Variants in ARMH3 observed in about 807,000 individuals in gnomAD.
ARMH3 encodes armadillo like helical domain containing 3, also known as armadillo-like helical domain-containing protein 3.
A neutral mutation model predicts 99.1 loss-of-function variants in ARMH3; 60 were observed. The ratio of observed to expected loss-of-function variants is 0.61; its 90% CI spans 0.49 to 0.75. ARMH3 has a LOEUF of 0.75. Among genes scored for constraint, ARMH3 ranks in the 30% least tolerant of loss-of-function variants. ARMH3 has a pLI of 0.00. For missense variants in ARMH3, 679 were observed against 843.1 expected, an observed-to-expected ratio of 0.81 and a Z score of 2.41; for synonymous variants, 285 against 292.8, an observed-to-expected ratio of 0.97 and a Z score of 0.27.
chr10:101,877,645 G>A (rs1013516472), intron 24 of ARMH3, among the ~76,000 whole-genome samples: 3 of 149,604 alleles, frequency 2.0e-5, no homozygotes, highest in Admixed American at 1.3e-4. Context: ...GACAGAGTGA[G>A]ACTTTGTCTT....
chr10:101,868,234 A>G (rs996021467), intron 24 of ARMH3, among the ~76,000 whole-genome samples: 2 of 152,216 alleles, frequency 1.3e-5, no homozygotes, highest in East Asian at 3.8e-4. Flanking sequence ...GCCAGACAAT[A>G]GGAAGAAGAC....
intron 19 of ARMH3, among the ~76,000 whole-genome samples, chr10:101,983,377 G>A (rs762589391): frequency 1.3e-5 from 2 of 152,152 alleles, no homozygotes; most frequent in South Asian, 2.1e-4. Flanking sequence ...GACCTCCACG[G>A]CTCAAACCAT....
chr10:102,024,582 G>C (rs562742852), intron 6 of ARMH3, among the ~76,000 whole-genome samples: 1 of 151,862 alleles, frequency 6.6e-6, no homozygotes, highest in Non-Finnish European at 1.5e-5. Context: ...GAGTTCAAGC[G>C]GGTGGATCAC....
chr10:102,031,811 C>T (rs148662862), intron 4 of ARMH3, among the ~76,000 whole-genome samples: 1 of 152,304 alleles, frequency 6.6e-6, no homozygotes, highest in Non-Finnish European at 1.5e-5. Context: ...ACCATGTCAG[C>T]TCACTGCAAG....
Position 101,893,585 on chromosome 10 carries a change from G to A in ARMH3, c.1782-4095C>T, listed in dbSNP as rs1253821731. ...GTTGGAACAGTGAAATAATCCCTGG[G>A]AATGGAATTGCTGGGGATCTAATTC... On this transcript the variant is annotated intron_variant, in intron 23 of 25. Transcript: ENST00000370033. Among the ~76,000 whole-genome samples, 4 of 152,200 alleles carry A rather than the reference G, an allele frequency of 2.6e-5. No individual in the cohort carries two copies. The South Asian group carries it at 8.3e-4, about 32-fold the overall frequency.
chr10:102,048,920 A>G (rs1325094546), intron 1 of ARMH3, among the ~76,000 whole-genome samples: 2 of 152,174 alleles, frequency 1.3e-5, no homozygotes, highest in African/African-American at 2.4e-5. Context: ...CATTAGCACT[A>G]TAAGAACTTA....
At chr10:102,042,429 C>A (rs957527888) in intron 1 of ARMH3, among the ~76,000 whole-genome samples, 4 of 152,210 alleles carry the variant, frequency 2.6e-5, no homozygotes, top group African/African-American at 9.7e-5. Flanking sequence ...ATTTCAGAAT[C>A]AATACTTTCT....
At chr10:102,042,331 C>T (rs912049136) in intron 1 of ARMH3, among the ~76,000 whole-genome samples, 2 of 152,178 alleles carry the variant, frequency 1.3e-5, no homozygotes, top group African/African-American at 4.8e-5. Context: ...GTGATAAGTA[C>T]ATGTTTACAA....
chr10:102,022,684 C>A (rs2066912995), intron 8 of ARMH3, among the ~76,000 whole-genome samples: 1 of 147,914 alleles, frequency 6.8e-6, no homozygotes, highest in African/African-American at 2.4e-5. Context: ...GGGTTCATGC[C>A]ATTCTCCTGC....
intron 20 of ARMH3, among the ~76,000 whole-genome samples, chr10:101,969,563 A>G (rs2135890519): frequency 6.6e-6 from 1 of 152,376 alleles, no homozygotes; most frequent in African/African-American, 2.4e-5. Context: ...GGCCTCTGCC[A>G]GTAATAGGAG....
chr10:101,973,773 G>A (rs556566742), intron 20 of ARMH3, among the ~76,000 whole-genome samples: 4 of 152,214 alleles, frequency 2.6e-5, no homozygotes, highest in East Asian at 1.9e-4. Context: ...AGATGCAGGC[G>A]GAAACAACTA....
intron 24 of ARMH3, among the ~76,000 whole-genome samples, chr10:101,857,958 C>G (rs1057312839): frequency 4.6e-5 from 7 of 152,198 alleles, no homozygotes; most frequent in Admixed American, 4.6e-4. Context: ...AAAGGTCTGT[C>G]CCTAACCTTG....
intron 24 of ARMH3, among the ~76,000 whole-genome samples, chr10:101,865,326 A>C (rs2135337029): frequency 6.6e-6 from 1 of 152,322 alleles, no homozygotes; most frequent in East Asian, 1.9e-4. Flanking sequence ...ACTACCATAA[A>C]ATATACACAA....
intron 23 of ARMH3, among the ~76,000 whole-genome samples, chr10:101,920,534 C>T (rs1035586580): frequency 1.3e-5 from 2 of 151,958 alleles, no homozygotes; most frequent in Non-Finnish European, 2.9e-5. Flanking sequence ...GAGAGAAAAA[C>T]GAGACAGAAA....
intron 23 of ARMH3, among the ~76,000 whole-genome samples, chr10:101,913,614 C>T (rs1842959650): frequency 6.6e-6 from 1 of 152,144 alleles, no homozygotes; most frequent in Non-Finnish European, 1.5e-5. Context: ...GATCTTCCTG[C>T]CTCGGCCTCC....
At chr10:101,894,230 G>A (rs1203873860) in intron 23 of ARMH3, among the ~76,000 whole-genome samples, 1 of 152,120 alleles carries the variant, frequency 6.6e-6, no homozygotes, top group African/African-American at 2.4e-5. Context: ...CCAGGTGGAG[G>A]GTATTCGCCC....
chr10:101,856,505 G>A (rs2066741455), intron 24 of ARMH3, among the ~76,000 whole-genome samples: 1 of 151,358 alleles, frequency 6.6e-6, no homozygotes, highest in Non-Finnish European at 1.5e-5. Context: ...CAAAGAGACT[G>A]TCATCATTCT....
At chr10:102,025,286 A>G (rs745869481) in intron 5 of ARMH3, 38 bp from the exon 6 acceptor site, 14 of 1,531,316 alleles carry the variant, frequency 9.1e-6, no homozygotes, top group South Asian at 3.4e-5. Flanking sequence ...ACCATACCAG[A>G]TAACACCCCA....
intron 21 of ARMH3, 85 bp downstream of exon 21, chr10:101,957,565 C>T: frequency 6.9e-7 from 1 of 1,455,504 alleles, no homozygotes; most frequent in South Asian, 1.3e-5. Flanking sequence ...GCTTAGTCCC[C>T]AGACCACCAG....
Sources: gnomAD v4.1 joint callset for allele counts (sites outside exome capture counted in the v4.1 genomes callset) on GRCh38, gnomAD v4.1.1 for gene constraint, MANE v1.5 for transcripts, NCBI Gene and HGNC (gene_info 2026-07-23, HGNC 2026-07-21) for gene names.